CECR2: variants seen among roughly 807,000 people sequenced by gnomAD.
CECR2 encodes the protein CECR2 histone acetyl-lysine reader.
A neutral mutation model predicts 154.5 loss-of-function variants in CECR2; 30 were observed. The ratio of observed to expected loss-of-function variants is 0.19; its 90% CI spans 0.15 to 0.26. The LOEUF (loss-of-function observed/expected upper bound fraction) is 0.26, where lower values mean the gene tolerates loss of function less well. Among genes scored for constraint, CECR2 ranks in the 10% least tolerant of loss-of-function variants. The pLI, the probability that CECR2 is intolerant of heterozygous loss-of-function variation, is 1.00. For missense variants in CECR2, 1,743 were observed against 1,829.3 expected, an observed-to-expected ratio of 0.95 and a Z score of 0.86; for synonymous variants, 725 against 683.7, an observed-to-expected ratio of 1.06 and a Z score of -0.94.
At position 17,542,422 on chromosome 22, in the gene CECR2, A is replaced by G. The variant is rs199565531; in HGVS notation, c.2279A>G (p.Tyr760Cys). Reference protein sequence around the residue: ...ESSEIPPSHMYRSYKYLNRVH... With the variant: ...ESSEIPPSHMCRSYKYLNRVH... ...TCAGAAATTCCTCCCAGCCATATGT[A>G]TCGATCGTACAAGTACCTGAATCGA... is the stretch of plus-strand genomic sequence containing the variant. Residue 760 changes from tyrosine to cysteine, a missense_variant, in exon 16 of 19, where the codon TAT becomes TGT. Around this residue, in one of 4 missense-constraint regions of CECR2, gnomAD observed 1,250 missense variants for 1,192.1 expected, o/e 1.05. Transcript: ENST00000262608. The G allele has an allele frequency of 1.4e-3, 2,329 of 1,613,910 alleles. 2 individuals are homozygous for G. The highest frequency in any genetic ancestry group is 2.5e-3 in the Middle Eastern group (15 of 6,062).
At chr22:17,500,958 C>T (rs113213066) in intron 5 of CECR2, among the ~76,000 whole-genome samples, 1,737 of 152,266 alleles carry the variant, frequency 0.011, 35 homozygotes, top group African/African-American at 0.04. Context: ...TCTTACTAGA[C>T]GATGGATGTG....
rs1233388277 is a variant in CECR2, at chr22:17,392,410, C to A, written c.126+22501C>A. 5.3e-5 allele frequency among the ~76,000 whole-genome samples: 8 copies of A among 152,210 alleles called. No individual in the cohort carries two copies. In the East Asian group the frequency reaches 1.4e-3, roughly 26 times the overall value. Reference sequence around the variant, plus strand: ...GGCTGAGGCAGGAGAATCGCTTGAACCTGGGAGGCGGAGGTTGCAGTGAGC... The same window carrying A: ...GGCTGAGGCAGGAGAATCGCTTGAAACTGGGAGGCGGAGGTTGCAGTGAGC... On this transcript the variant is annotated intron_variant, in intron 1 of 18. Coordinates refer to ENST00000262608, the MANE Select transcript of CECR2 (RefSeq NM_001290047.2).
At chr22:17,463,155 C>T (rs894940018) in intron 1 of CECR2, among the ~76,000 whole-genome samples, 1 of 152,114 alleles carries the variant, frequency 6.6e-6, no homozygotes, top group African/African-American at 2.4e-5. Context: ...TGCAGATGCC[C>T]CAGCCGGGAG....
chr22:17,431,894 T>C (rs1390228748), intron 1 of CECR2, among the ~76,000 whole-genome samples: 2 of 152,190 alleles, frequency 1.3e-5, no homozygotes, highest in African/African-American at 4.8e-5. Context: ...ACAGTCAATT[T>C]TAGAACATTT....
intron 8 of CECR2, among the ~76,000 whole-genome samples, chr22:17,516,837 G>T (rs1454400997): frequency 6.6e-6 from 1 of 151,298 alleles, no homozygotes; most frequent in Non-Finnish European, 1.5e-5. Flanking sequence ...CAGGTGAAAT[G>T]CCCGCCTCGT....
intron 1 of CECR2, among the ~76,000 whole-genome samples, chr22:17,433,495 G>A (rs998054386): frequency 5.3e-5 from 8 of 152,082 alleles, no homozygotes; most frequent in African/African-American, 1.7e-4. Flanking sequence ...GCCCAGGCTG[G>A]AGTACAGTGC....
At position 17,548,930 on chromosome 22, in the gene CECR2, C is replaced by T. The variant is rs772905660; in HGVS notation, c.3643C>T (p.Pro1215Ser). Residue 1215 changes from proline (P) to serine (S), a missense_variant, in exon 17 of 19, where the codon CCT (proline) becomes TCT (serine). Pro to Ser is a moderately conservative substitution (Grantham distance 74). Transcript: ENST00000262608. ...CPQSFSDWQR[P>S]LHPQGSPSGP... ...ACAGAGCTTTTCTGACTGGCAGAGA[C>T]CTCTCCATCCCCAGGGAAGCCCAAG... 1.9e-6 allele frequency: 3 copies of T among 1,613,800 alleles called. No individual in the cohort carries two copies. Among genetic ancestry groups the T allele is most frequent in the Non-Finnish European group, 2.5e-6 (3 of 1,179,786 alleles).
At chr22:17,436,186 C>A (rs1394194674) in intron 1 of CECR2, among the ~76,000 whole-genome samples, 1 of 152,138 alleles carries the variant, frequency 6.6e-6, no homozygotes, top group East Asian at 1.9e-4. Flanking sequence ...TCTTGATCTC[C>A]TGATCTCGTG....
At chr22:17,462,327 C>T (rs542612766) in intron 1 of CECR2, among the ~76,000 whole-genome samples, 2 of 151,812 alleles carry the variant, frequency 1.3e-5, no homozygotes, top group African/African-American at 4.8e-5. Context: ...TGCCACTGCA[C>T]TCCAGGCTGG....
At chr22:17,428,567 C>T (rs1198017126) in intron 1 of CECR2, 1 of 152,110 alleles carries the variant, frequency 6.6e-6, no homozygotes. Context: ...ATTATTTCCC[C>T]CCATATTTCA....
At chr22:17,494,095 T>C (rs907221027) in intron 2 of CECR2, among the ~76,000 whole-genome samples, 1 of 152,146 alleles carries the variant, frequency 6.6e-6, no homozygotes, top group African/African-American at 2.4e-5. Context: ...TTTCATTTTC[T>C]TTCTTTCTTT....
At chr22:17,514,998 G>A (rs963650035) in intron 8 of CECR2, among the ~76,000 whole-genome samples, 7 of 151,064 alleles carry the variant, frequency 4.6e-5, no homozygotes, top group African/African-American at 1.5e-4. Context: ...ACTCCAGCCT[G>A]GGCGACAGAG....
Position 17,504,538 on chromosome 22 carries a change from G to A in CECR2, c.701-309G>A, listed in dbSNP as rs796885416. Among the ~76,000 whole-genome samples the A allele has an allele frequency of 8.3e-4, 126 of 151,558 alleles. 2 individuals carry two copies. The highest frequency in any genetic ancestry group is 3.4e-3 in the Middle Eastern group (1 of 294). The stretch of plus-strand genomic sequence containing the variant: ...TGCAAGCTCCGCCTCCCGGGTTCAC[G>A]CCATTCTCCTGCCTCAGCCTCCCGA... On this transcript the variant is annotated intron_variant, in intron 6 of 18. Transcript: ENST00000262608.
At chr22:17,366,429 C>T (rs1167292395), upstream of CECR2, among the ~76,000 whole-genome samples, 1 of 152,154 alleles carries the variant, frequency 6.6e-6, no homozygotes, top group Non-Finnish European at 1.5e-5. Context: ...CCTCGTGATC[C>T]GCCTGCCTGG....
chr22:17,515,478 G>C lies in CECR2; in HGVS notation c.954+3582G>C, dbSNP rs1263445768. 2.6e-5 allele frequency among the ~76,000 whole-genome samples: 4 copies of C among 152,188 alleles called. No individual in the cohort carries two copies. The East Asian group carries it at 7.7e-4, about 29-fold the overall frequency. On this transcript the variant is annotated intron_variant, in intron 8 of 18. Transcript: ENST00000262608. ...GAATCATTACTATTTACGTTTTTAC[G>C]TATTTGCTTCAGGCTTTTCCTCTAT...
In CECR2 at chr22:17,553,047, C is replaced by T. The variant is rs759105632; in HGVS notation, c.*207C>T. 6.4e-5 allele frequency: 78 copies of T among 1,216,140 alleles called. No homozygotes were observed. The highest frequency in any genetic ancestry group is 8.5e-5 in the East Asian group (3 of 35,382). The allele number at this position is 1,216,140 out of a possible 1,614,324, so 75.3% of individuals were successfully genotyped here. A position where few individuals can be genotyped will look rare whatever the true frequency, so the allele number is the denominator to read the frequency against. Reference sequence around the variant, plus strand: ...CTGACACACAGATTGCAAAGGTCCTCGGCCAGGGATCTCTTGCACAGCTGA... The same window carrying T: ...CTGACACACAGATTGCAAAGGTCCTTGGCCAGGGATCTCTTGCACAGCTGA... On this transcript the variant is annotated 3_prime_UTR_variant, in exon 19 of 19. Coordinates refer to ENST00000262608, the MANE Select transcript of CECR2 (RefSeq NM_001290047.2).
chr22:17,406,318 C>T (rs1383621777), intron 1 of CECR2, among the ~76,000 whole-genome samples: 3 of 151,996 alleles, frequency 2.0e-5, no homozygotes, highest in South Asian at 2.1e-4. Flanking sequence ...GTCAGGAGTT[C>T]GAGACCAGCC....
intron 1 of CECR2, among the ~76,000 whole-genome samples, chr22:17,384,537 CAGTT>C (rs1259874202): frequency 2.0e-5 from 3 of 152,164 alleles, no homozygotes; most frequent in South Asian, 2.1e-4. Flanking sequence ...AGTATATTGT[CAGTT>C]AGCAGTAATA....
intron 1 of CECR2, among the ~76,000 whole-genome samples, chr22:17,392,468 A>G (rs1411184508): frequency 3.3e-5 from 5 of 152,132 alleles, no homozygotes; most frequent in African/African-American, 4.8e-5. Flanking sequence ...AGCCTGGGCG[A>G]CAGTGAGACT....
Sources: gnomAD v4.1 joint callset for allele counts (sites outside exome capture counted in the v4.1 genomes callset) on GRCh38, gnomAD v4.1.1 for gene constraint, gnomAD v4.1.1 regional missense constraint, MANE v1.5 for transcripts, NCBI Gene and HGNC (gene_info 2026-07-23, HGNC 2026-07-21) for gene names.